The following LRCH3 variants were observed in gnomAD, a reference collection of about 807,000 sequenced individuals.
LRCH3 encodes the protein DISP complex protein LRCH3.
LRCH3 carries 68 observed loss-of-function variants against 104.5 expected under a neutral mutation model. The ratio of observed to expected loss-of-function variants is 0.65; its 90% CI spans 0.54 to 0.80. LRCH3 has a LOEUF of 0.80. Among genes scored for constraint, LRCH3 ranks in the 30% least tolerant of loss-of-function variants. The pLI, the probability that LRCH3 is intolerant of heterozygous loss-of-function variation, is 0.00. For missense variants in LRCH3, 951 were observed against 953.9 expected, an observed-to-expected ratio of 1.00 and a Z score of 0.04; for synonymous variants, 344 against 361.3, an observed-to-expected ratio of 0.95 and a Z score of 0.54.
At chr3:197,814,844 C>A (rs1478308901) in intron 1 of LRCH3, 64 bp from the exon 2 acceptor site, 2 of 1,361,020 alleles carry the variant, frequency 1.5e-6, no homozygotes, top group Non-Finnish European at 2.0e-6. Context: ...TGTGGAAAAT[C>A]AAAAGATTTC....
At chr3:197,852,345 G>C (rs1421480376) in intron 12 of LRCH3, 1 of 508,206 alleles carries the variant, frequency 2.0e-6, no homozygotes, top group Non-Finnish European at 3.5e-6. Flanking sequence ...TCGAGTAAGA[G>C]GTCAATATTC....
intron 4 of LRCH3, among the ~76,000 whole-genome samples, chr3:197,826,450 T>C (rs1735219221): frequency 6.6e-6 from 1 of 152,210 alleles, no homozygotes; most frequent in South Asian, 2.1e-4. Context: ...GTTCCGAGCA[T>C]TTTTGATTCA....
chr3:197,818,883 T>C (rs1230080538), intron 3 of LRCH3, among the ~76,000 whole-genome samples: 3 of 152,124 alleles, frequency 2.0e-5, no homozygotes, highest in South Asian at 4.1e-4. Flanking sequence ...CCTAGCACTT[T>C]GGGAGGCCGA....
Position 197,815,062 on chromosome 3 carries a change from T to G in LRCH3, c.407+10T>G, listed in dbSNP as rs1733647331. ...CATTCTTAAATATTAGGTAAGAATA[T>G]TGTTTTCTTATTTTAAATTTTTGGT... is the stretch of plus-strand genomic sequence containing the variant. On this transcript the variant is annotated intron_variant, in intron 2 of 20. Coordinates refer to ENST00000425562, the MANE Select transcript of LRCH3 (RefSeq NM_001365715.1). The G allele has an allele frequency of 7.0e-7, 1 of 1,426,970 alleles. No homozygotes were observed. Among genetic ancestry groups the G allele is most frequent in the African/African-American group, 1.5e-5 (1 of 68,586 alleles). The allele number at this position is 1,426,970 out of a possible 1,614,324, so 88.4% of individuals were successfully genotyped here.
At chr3:197,851,252 T>A (rs964298892) in intron 12 of LRCH3, among the ~76,000 whole-genome samples, 1 of 152,228 alleles carries the variant, frequency 6.6e-6, no homozygotes, top group African/African-American at 2.4e-5. Flanking sequence ...CAGTAAGAGA[T>A]AGTCAACTTG....
intron 20 of LRCH3, chr3:197,881,051 C>T (rs927105788): frequency 5.3e-6 from 6 of 1,129,872 alleles, no homozygotes; most frequent in Middle Eastern, 4.0e-4. Flanking sequence ...ACATGTAGAG[C>T]TTTATTTCCA....
At chr3:197,832,993 T>C (rs1423971725) in intron 8 of LRCH3, among the ~76,000 whole-genome samples, 1 of 152,160 alleles carries the variant, frequency 6.6e-6, no homozygotes, top group African/African-American at 2.4e-5. Flanking sequence ...GAGGAGAGCT[T>C]TCATTTCTCA....
At chr3:197,882,010 T>C in intron 20 of LRCH3, 1 of 985,424 alleles carries the variant, frequency 1.0e-6, no homozygotes, top group Non-Finnish European at 1.2e-6. Flanking sequence ...TTTCAGACTT[T>C]GGGGAATTGG....
At chr3:197,879,526 G>T (rs530905020) in intron 20 of LRCH3, among the ~76,000 whole-genome samples, 1 of 151,618 alleles carries the variant, frequency 6.6e-6, no homozygotes. Context: ...GGCGCCTGTA[G>T]TCCCAGCTGC....
At position 197,854,631 on chromosome 3, in the gene LRCH3, A is replaced by G. The variant is rs1740025853; in HGVS notation, c.1644+186A>G. On this transcript the variant is annotated intron_variant, in intron 14 of 20. Coordinates refer to ENST00000425562, the MANE Select transcript of LRCH3 (RefSeq NM_001365715.1). This position sits in a 1 kb window ranked among gnomAD's most constrained non-coding sequence, Gnocchi z 4.5. The stretch of plus-strand genomic sequence containing the variant: ...AGTGTTTCAAAGTTCTGCAGCTCAT[A>G]TCTTTGTCAGTGCCACCGAAAGGAA... Among the ~76,000 whole-genome samples the G allele has an allele frequency of 6.6e-6, 1 of 152,214 alleles. No individual in the cohort carries two copies. Among genetic ancestry groups the G allele is most frequent in the African/African-American group, 2.4e-5 (1 of 41,444 alleles).
At chr3:197,853,263 C>T (rs984672664) in intron 13 of LRCH3, among the ~76,000 whole-genome samples, 6 of 151,996 alleles carry the variant, frequency 3.9e-5, no homozygotes, top group Non-Finnish European at 8.8e-5. Flanking sequence ...GATACTGGCT[C>T]GCTGCAACCT....
At chr3:197,825,027 G>A (rs548064126) in intron 4 of LRCH3, among the ~76,000 whole-genome samples, 8 of 152,304 alleles carry the variant, frequency 5.3e-5, no homozygotes, top group African/African-American at 1.9e-4. Flanking sequence ...GAAAATAAAT[G>A]TCTTTATTCT....
intron 1 of LRCH3, among the ~76,000 whole-genome samples, chr3:197,812,248 AAATG>A (rs1468417715): frequency 1.5e-4 from 23 of 152,208 alleles, no homozygotes; most frequent in Admixed American, 7.9e-4. Flanking sequence ...GACTTCATAT[AAATG>A]AAATCATATT....
Position 197,856,032 on chromosome 3 carries a change from T to G in LRCH3, c.1644+1587T>G, listed in dbSNP as rs1183634484. Among the ~76,000 whole-genome samples, 1 of 152,248 alleles carries G rather than the reference T, an allele frequency of 6.6e-6. No individual in the cohort carries two copies. The highest frequency in any genetic ancestry group is 1.5e-5 in the Non-Finnish European group (1 of 68,040). ...CCCTCTCCAGTCTCCTCTCTGGGCT[T>G]GTGCCATACCAGCATTGTTTCCAGC... On this transcript the variant is annotated intron_variant, in intron 14 of 20. Coordinates refer to ENST00000425562, the MANE Select transcript of LRCH3 (RefSeq NM_001365715.1). This position sits in a 1 kb window ranked among gnomAD's most constrained non-coding sequence, Gnocchi z 4.2.
intron 3 of LRCH3, 58 bp downstream of exon 3, chr3:197,817,360 G>GTGGATATATATATATATATATA: frequency 1.3e-5 from 1 of 77,940 alleles, no homozygotes. Flanking sequence ...GTGTGTGTGT[G>GTGGATATATATATATATATATA]TATATATATA....
chr3:197,821,536 A>G (rs1734490208), intron 4 of LRCH3, among the ~76,000 whole-genome samples: 1 of 152,188 alleles, frequency 6.6e-6, no homozygotes, highest in African/African-American at 2.4e-5. Context: ...TTTCCCCTGC[A>G]CTATTCTCTA....
intron 2 of LRCH3, among the ~76,000 whole-genome samples, chr3:197,815,529 G>A (rs563886819): frequency 2.0e-4 from 31 of 152,238 alleles, no homozygotes; most frequent in Admixed American, 2.0e-3. Flanking sequence ...AAAATTTTAA[G>A]TCAGCTGTTG....
intron 12 of LRCH3, chr3:197,848,497 G>A (rs1415450372): frequency 6.5e-6 from 1 of 152,834 alleles, no homozygotes; most frequent in Non-Finnish European, 1.5e-5. Context: ...ATTTCTTAAC[G>A]TTTTGCAGCC....
chr3:197,850,548 A>G, intron 12 of LRCH3: 3 of 1,589,480 alleles, frequency 1.9e-6, no homozygotes, highest in Non-Finnish European at 2.6e-6. Flanking sequence ...GTATGGGTTA[A>G]TCCGACCATG....
Sources: allele counts gnomAD v4.1 joint callset (sites outside exome capture counted in the v4.1 genomes callset), GRCh38; gene constraint gnomAD v4.1.1; non-coding constraint Gnocchi (gnomAD v3.1); transcripts MANE v1.5; gene names NCBI Gene and HGNC (gene_info 2026-07-23, HGNC 2026-07-21).